GALK2: variants seen among roughly 807,000 people sequenced by gnomAD.
The protein encoded by GALK2 is N-acetylgalactosamine kinase.
GALK2 carries 36 observed loss-of-function variants against 52.4 expected under a neutral mutation model. The ratio of observed to expected loss-of-function variants is 0.69; its 90% CI spans 0.53 to 0.91. GALK2 has a LOEUF of 0.91. Ranked by LOEUF, GALK2 falls within the 40% of genes least tolerant of loss-of-function variation. The pLI, the probability that GALK2 is intolerant of heterozygous loss-of-function variation, is 0.00. For synonymous variants in GALK2, 176 were observed against 199.1 expected (o/e 0.88, Z 0.98); for missense variants, 579 against 559.1 (o/e 1.04, Z -0.36).
intron 3 of GALK2, among the ~76,000 whole-genome samples, chr15:49,226,037 C>T (rs2090113829): frequency 6.6e-6 from 1 of 152,192 alleles, no homozygotes; most frequent in South Asian, 2.1e-4. Flanking sequence ...CAGCCCTGTT[C>T]TCTTGACCCA....
At chr15:49,295,377 T>C (rs998640566) in intron 8 of GALK2, among the ~76,000 whole-genome samples, 1 of 151,806 alleles carries the variant, frequency 6.6e-6, no homozygotes, top group Admixed American at 6.6e-5. Context: ...CTATCTATCA[T>C]TGAATTTGTC....
In GALK2 at chr15:49,328,606, ATGATGG is replaced by A. The variant is rs756949145; in HGVS notation, c.*453_*458del. 40 of 1,592,016 alleles carry A rather than the reference ATGATGG, an allele frequency of 2.5e-5. 1 individual carries two copies. In the Middle Eastern group the frequency reaches 6.6e-4, roughly 26 times the overall value. On this transcript the variant is annotated 3_prime_UTR_variant, in exon 10 of 10. Coordinates refer to ENST00000560031, the MANE Select transcript of GALK2 (RefSeq NM_002044.4). ...TCCTCAAAGTTGTAGTTGTCTGTTG[ATGATGG>A]TGATGATGATGATGATGACGATAGT...
chr15:49,349,439 TTCTC>T (rs1182221007), intron 3 of GALK2, among the ~76,000 whole-genome samples: 1 of 152,186 alleles, frequency 6.6e-6, no homozygotes, highest in Non-Finnish European at 1.5e-5. Context: ...TAAAATGTCT[TTCTC>T]TAAGAGCAAA....
chr15:49,355,584 G>T (rs1185488809), intron 3 of GALK2, among the ~76,000 whole-genome samples: 4 of 152,154 alleles, frequency 2.6e-5, no homozygotes, highest in Non-Finnish European at 5.9e-5. Context: ...GAAATATGGG[G>T]CTATGTGAAA....
chr15:49,256,050 A>G (rs1347334247), intron 5 of GALK2, among the ~76,000 whole-genome samples: 1 of 152,208 alleles, frequency 6.6e-6, no homozygotes, highest in Non-Finnish European at 1.5e-5. Flanking sequence ...ATAGGGTTAC[A>G]TTATTTCACT....
chr15:49,256,702 G>A (rs2091830376), intron 5 of GALK2, among the ~76,000 whole-genome samples: 3 of 152,070 alleles, frequency 2.0e-5, no homozygotes, highest in Admixed American at 2.0e-4. Context: ...AAAGCTCCTT[G>A]GCCTGTAAGA....
At chr15:49,241,886 AT>A (rs5812478) in intron 5 of GALK2, among the ~76,000 whole-genome samples, 99,933 of 152,022 alleles carry the variant, frequency 0.66, 33,450 homozygotes, top group African/African-American at 0.74. Flanking sequence ...TAGCAAATAC[AT>A]TTTTTTATCG....
At chr15:49,344,443 A>G (rs2041174229) in intron 3 of GALK2, among the ~76,000 whole-genome samples, 6 of 152,200 alleles carry the variant, frequency 3.9e-5, no homozygotes, top group Admixed American at 2.6e-4. Context: ...CTGGTAATAT[A>G]GCATGGTACT....
chr15:49,178,553 C>T, intron 1 of GALK2: 1 of 255,802 alleles, frequency 3.9e-6, no homozygotes, highest in Non-Finnish European at 7.8e-6. Context: ...CACACGAATC[C>T]TATATATAAC....
At chr15:49,168,324 G>A (rs2084890015), upstream of GALK2, among the ~76,000 whole-genome samples, 1 of 151,760 alleles carries the variant, frequency 6.6e-6, no homozygotes, top group Non-Finnish European at 1.5e-5. Context: ...TTTTAACCCT[G>A]TATAAAATGA....
chr15:49,299,921 G>T (rs1482198585), intron 8 of GALK2, among the ~76,000 whole-genome samples: 1 of 151,804 alleles, frequency 6.6e-6, no homozygotes, highest in African/African-American at 2.4e-5. Flanking sequence ...TGTATATTCT[G>T]TTGTTGTTGG....
chr15:49,265,576 C>T (rs2141659559), intron 5 of GALK2, among the ~76,000 whole-genome samples: 1 of 152,334 alleles, frequency 6.6e-6, no homozygotes, highest in South Asian at 2.1e-4. Context: ...GCGCTGCATC[C>T]ACTATCCTGT....
intron 5 of GALK2, among the ~76,000 whole-genome samples, chr15:49,276,970 C>CTTTTTT (rs1233754984): frequency 6.0e-4 from 17 of 28,306 alleles, no homozygotes; most frequent in Non-Finnish European, 7.4e-4. Context: ...TTTTTCTTTT[C>CTTTTTT]TTTTTTTTTT....
chr15:49,294,181 A>AAAT (rs2034239995), intron 8 of GALK2, among the ~76,000 whole-genome samples: 2 of 151,400 alleles, frequency 1.3e-5, no homozygotes, highest in Admixed American at 1.3e-4. Flanking sequence ...ATAAATAAAT[A>AAAT]AATAAGCAAG....
chr15:49,230,337 G>A (rs890881567), intron 3 of GALK2, among the ~76,000 whole-genome samples: 1 of 152,188 alleles, frequency 6.6e-6, no homozygotes, highest in Non-Finnish European at 1.5e-5. Context: ...GATTGCAGGA[G>A]TCCTTGATAG....
chr15:49,208,240 C>T (rs745870359), intron 2 of GALK2, among the ~76,000 whole-genome samples: 15 of 151,986 alleles, frequency 9.9e-5, no homozygotes, highest in Non-Finnish European at 1.9e-4. Context: ...GAGGTGTGAC[C>T]TTAGATTGTC....
At chr15:49,203,038 T>TTTTAA (rs1482940767) in intron 2 of GALK2, among the ~76,000 whole-genome samples, 1 of 150,346 alleles carries the variant, frequency 6.7e-6, no homozygotes, top group East Asian at 1.9e-4. Context: ...CCAATTTTTA[T>TTTTAA]TTTATTTTAT....
chr15:49,351,083 A>G (rs1161982396), intron 3 of GALK2, among the ~76,000 whole-genome samples: 1 of 152,166 alleles, frequency 6.6e-6, no homozygotes, highest in Non-Finnish European at 1.5e-5. Context: ...AATTTTTCTC[A>G]TTCTTTCCTA....
At chr15:49,203,993 T>G (rs1426642525) in intron 2 of GALK2, among the ~76,000 whole-genome samples, 2 of 151,312 alleles carry the variant, frequency 1.3e-5, no homozygotes, top group African/African-American at 4.9e-5. Flanking sequence ...CACACACCTG[T>G]AATCCCAGCT....
Sources: gnomAD v4.1 joint callset for allele counts (sites outside exome capture counted in the v4.1 genomes callset) on GRCh38, gnomAD v4.1.1 for gene constraint, MANE v1.5 for transcripts, NCBI Gene and HGNC (gene_info 2026-07-23, HGNC 2026-07-21) for gene names.